OSBP2: variants seen among roughly 807,000 people sequenced by gnomAD.
The protein encoded by OSBP2 is oxysterol binding protein 2, also known as oxysterol-binding protein 2.
Under a neutral mutation model 96.0 loss-of-function variants are expected in OSBP2, and 66 were observed. That is an observed-to-expected ratio of 0.69 (90% CI 0.56 to 0.84). The LOEUF is 0.84. OSBP2 is among the 40% of genes least tolerant of loss of function. OSBP2 has a pLI of 0.00. For missense variants in OSBP2, 1,038 were observed against 1,222.7 expected (o/e 0.85, Z 2.25); for synonymous variants, 525 against 520.9 (o/e 1.01, Z -0.11).
rs2039711897 is a variant in OSBP2, at chr22:30,881,907, A to C, written c.1108-5519A>C. 3 of 1,028,670 alleles carry C rather than the reference A, an allele frequency of 2.9e-6. No individual in the cohort carries two copies. The highest frequency in any genetic ancestry group is 3.3e-5 in the African/African-American group (2 of 60,510). 63.7% of individuals were successfully genotyped at this position (1,028,670 alleles called of 1,614,324 possible). On this transcript the variant is annotated intron_variant, in intron 3 of 13. Transcript: ENST00000332585. This position sits in a 1 kb window ranked among gnomAD's most constrained non-coding sequence, Gnocchi z 4.5. ...TAAAGGTCTTGGGTGCAGCCACATG[A>C]GGCCTTTGATATTAGGGCACAGCAG...
At chr22:30,905,791 C>T (rs762637430) in intron 12 of OSBP2, 46 bp from the exon 13 acceptor site, 2 of 1,603,614 alleles carry the variant, frequency 1.2e-6, no homozygotes, top group Non-Finnish European at 8.5e-7. Context: ...TAGGTGTGGT[C>T]CGGCTCACAC....
chr22:30,767,705 A>G (rs2090293534), intron 2 of OSBP2, among the ~76,000 whole-genome samples: 2 of 152,214 alleles, frequency 1.3e-5, no homozygotes, highest in Admixed American at 6.5e-5. Flanking sequence ...AAGGGGCCGC[A>G]CATGTGCTTC....
At chr22:30,898,940 T>TA (rs1292224295) in intron 12 of OSBP2, among the ~76,000 whole-genome samples, 41 of 151,088 alleles carry the variant, frequency 2.7e-4, no homozygotes, top group Non-Finnish European at 4.3e-4. Context: ...CTTTGAGGCA[T>TA]AAAAAAACTG....
chr22:30,902,581 G>GCC (rs2040238796), intron 12 of OSBP2: 1 of 857,256 alleles, frequency 1.2e-6, no homozygotes, highest in Non-Finnish European at 2.0e-6. Flanking sequence ...CAACTGGGCA[G>GCC]CCACTTCAGA....
At chr22:30,696,431 A>G (rs2089036660) in intron 1 of OSBP2, among the ~76,000 whole-genome samples, 1 of 152,082 alleles carries the variant, frequency 6.6e-6, no homozygotes, top group African/African-American at 2.4e-5. Context: ...TCCCCAATGA[A>G]TTTCTGTTAC....
At chr22:30,814,263 G>A (rs1376663774) in intron 2 of OSBP2, among the ~76,000 whole-genome samples, 1 of 151,952 alleles carries the variant, frequency 6.6e-6, no homozygotes, top group Non-Finnish European at 1.5e-5. Context: ...CAAGTTCCAG[G>A]TGTCGGGAGG....
At chr22:30,850,940 C>G (rs2038968061) in intron 2 of OSBP2, among the ~76,000 whole-genome samples, 1 of 152,204 alleles carries the variant, frequency 6.6e-6, no homozygotes, top group South Asian at 2.1e-4. Flanking sequence ...AATCCATGAA[C>G]TTGGTATGTC....
chr22:30,779,385 G>A lies in OSBP2; in HGVS notation c.853+38016G>A, dbSNP rs2090482951. Among the ~76,000 whole-genome samples, 3 of 151,862 alleles carry A rather than the reference G, an allele frequency of 2.0e-5. No homozygotes were observed. In the South Asian group the frequency reaches 6.2e-4, roughly 32 times the overall value. The stretch of plus-strand genomic sequence containing the variant: ...CAAAGTGCTGGGATTACAGGCATCA[G>A]CCACCATGCCTGGCCTTAAAATTTT... On this transcript the variant is annotated intron_variant, in intron 2 of 13. Coordinates refer to ENST00000332585, the MANE Select transcript of OSBP2 (RefSeq NM_030758.4).
At chr22:30,749,016 C>T (rs893738000) in intron 2 of OSBP2, among the ~76,000 whole-genome samples, 1 of 151,976 alleles carries the variant, frequency 6.6e-6, no homozygotes, top group African/African-American at 2.4e-5. Context: ...GTTGGGAGGC[C>T]GAGGCAGGAG....
chr22:30,722,896 C>T (rs2145706876), intron 1 of OSBP2, among the ~76,000 whole-genome samples: 1 of 151,128 alleles, frequency 6.6e-6, no homozygotes, highest in South Asian at 2.1e-4. Context: ...GTGATCCTCC[C>T]ACCTAGCTCT....
At chr22:30,813,938 G>GATTAC (rs1481722621) in intron 2 of OSBP2, among the ~76,000 whole-genome samples, 1 of 151,838 alleles carries the variant, frequency 6.6e-6, no homozygotes, top group Non-Finnish European at 1.5e-5. Context: ...TATTAGCTGG[G>GATTAC]ATTACAGGTG....
intron 12 of OSBP2, among the ~76,000 whole-genome samples, chr22:30,905,391 C>A (rs1390445522): frequency 6.6e-6 from 1 of 151,832 alleles, no homozygotes; most frequent in Non-Finnish European, 1.5e-5. Context: ...ATCCACCGGC[C>A]TCAGCCTCCC....
chr22:30,819,404 T>C (rs2091120825), intron 2 of OSBP2, among the ~76,000 whole-genome samples: 1 of 152,204 alleles, frequency 6.6e-6, no homozygotes, highest in Middle Eastern at 3.4e-3. Flanking sequence ...CGCATACGGT[T>C]ATATGAGGGA....
intron 2 of OSBP2, among the ~76,000 whole-genome samples, chr22:30,862,815 T>C (rs1242658791): frequency 1.4e-5 from 2 of 147,432 alleles, no homozygotes; most frequent in Non-Finnish European, 1.5e-5. Flanking sequence ...CTACTAAAAA[T>C]ACAAAAAGTT....
At chr22:30,885,898 C>T (rs2039799553) in intron 3 of OSBP2, among the ~76,000 whole-genome samples, 1 of 152,316 alleles carries the variant, frequency 6.6e-6, no homozygotes, top group East Asian at 1.9e-4. Flanking sequence ...AAGGTGGGTG[C>T]TGGTTGCTGG....
chr22:30,734,715 G>A (rs991014270), intron 1 of OSBP2, among the ~76,000 whole-genome samples: 4 of 152,090 alleles, frequency 2.6e-5, no homozygotes, highest in African/African-American at 9.7e-5. Context: ...ATAATACCTT[G>A]GCTACAGGTT....
rs534556896 is a variant in OSBP2 at position 30,806,371 on chromosome 22, G to A, written c.854-64058G>A. 1.1e-4 allele frequency among the ~76,000 whole-genome samples: 16 copies of A among 152,318 alleles called. No individual in the cohort carries two copies. In the East Asian group the frequency reaches 2.7e-3, roughly 26 times the overall value. On this transcript the variant is annotated intron_variant, in intron 2 of 13. Transcript: ENST00000332585. ...GAGGAGGAAGAATAAGCAGGGTTTAGGGCCAGCCAGGCAGAATCACAATGG... is the reference window on the plus strand; with the variant it reads ...GAGGAGGAAGAATAAGCAGGGTTTAAGGCCAGCCAGGCAGAATCACAATGG...
chr22:30,792,078 G>T (rs2090683279), intron 2 of OSBP2, among the ~76,000 whole-genome samples: 1 of 152,162 alleles, frequency 6.6e-6, no homozygotes, highest in African/African-American at 2.4e-5. Context: ...TTGGGAGGCT[G>T]AGATGGGTGG....
At chr22:30,824,011 A>C (rs1197584346) in intron 2 of OSBP2, among the ~76,000 whole-genome samples, 2 of 152,176 alleles carry the variant, frequency 1.3e-5, no homozygotes, top group Admixed American at 6.5e-5. Flanking sequence ...GGCTCATCTA[A>C]TGATTTTCTT....
Sources: allele counts gnomAD v4.1 joint callset (sites outside exome capture counted in the v4.1 genomes callset), GRCh38; gene constraint gnomAD v4.1.1; non-coding constraint Gnocchi (gnomAD v3.1); transcripts MANE v1.5; gene names NCBI Gene and HGNC (gene_info 2026-07-23, HGNC 2026-07-21).